Variants in RBFOX1 observed in about 807,000 individuals in gnomAD.
The protein encoded by RBFOX1 is RNA binding protein fox-1 homolog 1.
In RBFOX1, 8 loss-of-function variants were observed where a neutral mutation model predicts 57.7. The ratio of observed to expected loss-of-function variants is 0.14; its 90% CI spans 0.08 to 0.25. RBFOX1 has a LOEUF of 0.25. Ranked by LOEUF, RBFOX1 falls within the 10% of genes least tolerant of loss-of-function variation. The pLI, the probability that RBFOX1 is intolerant of heterozygous loss-of-function variation, is 1.00. For synonymous variants in RBFOX1, 326 were observed against 222.4 expected (o/e 1.47, Z -4.15); for missense variants, 611 against 548.5 (o/e 1.11, Z -1.14).
At chr16:6,919,714 G>A (rs1032689939) in intron 3 of RBFOX1, among the ~76,000 whole-genome samples, 3 of 148,936 alleles carry the variant, frequency 2.0e-5, no homozygotes, top group Non-Finnish European at 3.0e-5. Flanking sequence ...TATATTGTAT[G>A]TTATAGATAA....
intron 3 of RBFOX1, among the ~76,000 whole-genome samples, chr16:6,734,659 C>T (rs962350106): frequency 6.6e-6 from 1 of 152,110 alleles, no homozygotes; most frequent in Non-Finnish European, 1.5e-5. Flanking sequence ...TTTCTCCTCT[C>T]ATTCTACACA....
chr16:5,576,871 C>T (rs977999383), intron 2 of RBFOX1, among the ~76,000 whole-genome samples: 9 of 152,208 alleles, frequency 5.9e-5, no homozygotes, highest in South Asian at 2.1e-4. Context: ...TTTTTCAGAT[C>T]TGCTATTGAT....
intron 2 of RBFOX1, among the ~76,000 whole-genome samples, chr16:6,487,484 A>G (rs1192979381): frequency 1.3e-5 from 2 of 151,464 alleles, no homozygotes; most frequent in African/African-American, 2.4e-5. Context: ...TTGTGCTTGC[A>G]AGTTCTCCTG....
chr16:5,846,983 C>G (rs1315551414), intron 3 of RBFOX1, among the ~76,000 whole-genome samples: 1 of 152,212 alleles, frequency 6.6e-6, no homozygotes, highest in Non-Finnish European at 1.5e-5. Flanking sequence ...GGCCATCAGT[C>G]TGTCTCCATC....
chr16:5,911,590 G>T (rs753895332), intron 4 of RBFOX1, among the ~76,000 whole-genome samples: 1 of 152,196 alleles, frequency 6.6e-6, no homozygotes, highest in Non-Finnish European at 1.5e-5. Flanking sequence ...TTCTGACGGG[G>T]GGTGCGGAGG....
chr16:6,022,921 T>C (rs1188728579), intron 1 of RBFOX1, among the ~76,000 whole-genome samples: 1 of 152,144 alleles, frequency 6.6e-6, no homozygotes, highest in African/African-American at 2.4e-5. Flanking sequence ...CATACATGAC[T>C]GTTTTAAGGA....
intron 3 of RBFOX1, among the ~76,000 whole-genome samples, chr16:5,690,399 C>T (rs562090822): frequency 4.1e-4 from 63 of 152,276 alleles, no homozygotes; most frequent in African/African-American, 1.4e-3. Context: ...TATCTTGGGG[C>T]TCAGTGAATC....
chr16:5,539,548 C>G (rs965887901), intron 2 of RBFOX1, among the ~76,000 whole-genome samples: 2 of 151,978 alleles, frequency 1.3e-5, no homozygotes, highest in Non-Finnish European at 2.9e-5. Context: ...TTATAGTGAG[C>G]CAAGATCGTA....
intron 3 of RBFOX1, among the ~76,000 whole-genome samples, chr16:6,775,023 C>G (rs2079069892): frequency 6.6e-6 from 1 of 151,868 alleles, no homozygotes; most frequent in Non-Finnish European, 1.5e-5. Context: ...TCTTATATAA[C>G]ATACCTAAAA....
intron 3 of RBFOX1, among the ~76,000 whole-genome samples, chr16:5,732,556 G>A (rs991148209): frequency 2.0e-4 from 31 of 152,216 alleles, no homozygotes; most frequent in Admixed American, 1.8e-3. Flanking sequence ...TCAGGCAGAC[G>A]ATGGTTAGAA....
chr16:7,026,557 G>C (rs112845461), intron 3 of RBFOX1, among the ~76,000 whole-genome samples: 9 of 151,948 alleles, frequency 5.9e-5, no homozygotes, highest in African/African-American at 2.2e-4. Context: ...GCTTCATACG[G>C]CTTCTCCCCG....
chr16:6,736,249 G>T (rs1239607619), intron 3 of RBFOX1, among the ~76,000 whole-genome samples: 3 of 152,040 alleles, frequency 2.0e-5, no homozygotes, highest in Admixed American at 6.6e-5. Context: ...TTCTTTAGTG[G>T]TGATTTGTGA....
chr16:6,342,485 A>G (rs2084715082), intron 2 of RBFOX1, among the ~76,000 whole-genome samples: 1 of 152,132 alleles, frequency 6.6e-6, no homozygotes, highest in African/African-American at 2.4e-5. Context: ...AACAACCTTG[A>G]TAAGGTTCCT....
At chr16:6,791,075 T>C (rs565823375) in intron 3 of RBFOX1, among the ~76,000 whole-genome samples, 1 of 151,990 alleles carries the variant, frequency 6.6e-6, no homozygotes, top group Admixed American at 6.5e-5. Context: ...CCTGACTAAT[T>C]TTTGCATTTT....
At chr16:6,621,845 G>A (rs2098237284) in intron 2 of RBFOX1, among the ~76,000 whole-genome samples, 3 of 152,140 alleles carry the variant, frequency 2.0e-5, no homozygotes, top group Admixed American at 2.0e-4. Flanking sequence ...AAAACCTATT[G>A]AGAGACGCTT....
chr16:6,495,709 C>T (rs1010566879), intron 2 of RBFOX1, among the ~76,000 whole-genome samples: 1 of 152,182 alleles, frequency 6.6e-6, no homozygotes, highest in Non-Finnish European at 1.5e-5. Context: ...CACAACCCTC[C>T]CTTGGTTACA....
chr16:6,222,069 C>T (rs2097377688), intron 1 of RBFOX1, among the ~76,000 whole-genome samples: 1 of 152,150 alleles, frequency 6.6e-6, no homozygotes, highest in Non-Finnish European at 1.5e-5. Context: ...TATGGAAGGG[C>T]ACACAGTGAA....
intron 2 of RBFOX1, among the ~76,000 whole-genome samples, chr16:5,549,425 A>G (rs567554494): frequency 2.0e-5 from 3 of 152,300 alleles, no homozygotes; most frequent in East Asian, 1.9e-4. Context: ...GAATTTTTCT[A>G]TTTCAGAGTT....
At chr16:7,409,910 G>A (rs1007981809) in intron 4 of RBFOX1, among the ~76,000 whole-genome samples, 2 of 152,186 alleles carry the variant, frequency 1.3e-5, no homozygotes, top group African/African-American at 4.8e-5. Context: ...CTTAAATGAG[G>A]GGAGGGGTCT....
Sources: gnomAD v4.1 joint callset for allele counts (sites outside exome capture counted in the v4.1 genomes callset) on GRCh38, gnomAD v4.1.1 for gene constraint, MANE v1.5 for transcripts, NCBI Gene and HGNC (gene_info 2026-07-23, HGNC 2026-07-21) for gene names.